The following FBN3 variants were observed in gnomAD, a reference collection of about 807,000 sequenced individuals.
The protein encoded by FBN3 is fibrillin 3, also known as fibrillin-3.
Under a neutral mutation model 330.1 loss-of-function variants are expected in FBN3, and 234 were observed. The ratio of observed to expected loss-of-function variants is 0.71; its 90% confidence interval spans 0.64 to 0.79. FBN3 has a LOEUF of 0.79. Ranked by LOEUF, FBN3 falls within the 30% of genes least tolerant of loss-of-function variation. FBN3 has a pLI of 0.00. For missense variants in FBN3, 3,606 were observed against 3,886.9 expected (o/e 0.93, Z 1.92); for synonymous variants, 1,458 against 1,517.3 (o/e 0.96, Z 0.91).
intron 5 of FBN3, among the ~76,000 whole-genome samples, chr19:8,145,355 C>T (rs2083508245): frequency 8.8e-6 from 1 of 113,528 alleles, no homozygotes. Context: ...GCCTGGGCAA[C>T]AGAGCAAAAC....
chr19:8,083,108 G>T, intron 57 of FBN3, 139 bp downstream of exon 57: 1 of 1,030,572 alleles, frequency 9.7e-7, no homozygotes, highest in Non-Finnish European at 1.5e-6. Flanking sequence ...GCCCTCAGTT[G>T]TCTGTATGGT....
chr19:8,107,598 C>T (rs1042536939), intron 37 of FBN3, among the ~76,000 whole-genome samples: 8 of 131,338 alleles, frequency 6.1e-5, no homozygotes, highest in Non-Finnish European at 1.1e-4. Flanking sequence ...GATGAATGGA[C>T]AGAAAGATGG....
Position 8,085,436 on chromosome 19 carries a change from G to A in FBN3, c.7014C>T (p.Leu2338=), listed in dbSNP as rs1001619517. Residue 2338 remains leucine (L), a synonymous_variant, in exon 56 of 64, where the codon CTC becomes CTT. Transcript: ENST00000600128. ...GGRGWGPRCE[L]CPLPGTSAYR... Reference sequence around the variant, plus strand: ...AGGCAGAGGTGCCGGGCAGGGGACAGAGCTCGCAGCGGGGCCCCCAGCCCC... The same window carrying A: ...AGGCAGAGGTGCCGGGCAGGGGACAAAGCTCGCAGCGGGGCCCCCAGCCCC... 1.9e-6 allele frequency: 3 copies of A among 1,580,010 alleles called. No individual in the cohort carries two copies. Among genetic ancestry groups the A allele is most frequent in the Non-Finnish European group, 2.6e-6 (3 of 1,164,622 alleles).
At chr19:8,087,787 T>C (rs1476354406) in intron 53 of FBN3, 38 bp downstream of exon 53, 1 of 1,578,916 alleles carries the variant, frequency 6.3e-7, no homozygotes, top group African/African-American at 1.3e-5. Context: ...TTTGTATTTT[T>C]AGTAGAGACA....
rs558928678 is a variant in FBN3, at chr19:8,092,572, G to A, written c.5906-982C>T. Among the ~76,000 whole-genome samples, 37 of 151,890 alleles carry A rather than the reference G, an allele frequency of 2.4e-4. 1 individual carries two copies. The highest frequency in any genetic ancestry group is 3.4e-3 in the Middle Eastern group (1 of 292). The stretch of plus-strand genomic sequence containing the variant: ...TACTGAAAATACAGAAATTAGCTGG[G>A]CATTGTGGCGGGGCGCACCTGTAAT... On this transcript the variant is annotated intron_variant, in intron 47 of 63. Transcript: ENST00000600128.
intron 39 of FBN3, 107 bp downstream of exon 39, chr19:8,103,455 A>G: frequency 8.4e-7 from 1 of 1,185,314 alleles, no homozygotes; most frequent in Non-Finnish European, 1.2e-6. Context: ...AGCACTTCAT[A>G]TATGCTTACC....
At chr19:8,098,680 G>A (rs2082264247) in intron 41 of FBN3, among the ~76,000 whole-genome samples, 1 of 152,080 alleles carries the variant, frequency 6.6e-6, no homozygotes, top group Admixed American at 6.6e-5. Flanking sequence ...AACTTATACT[G>A]AGGTGATGGT....
chr19:8,117,493 T>C lies in FBN3; in HGVS notation c.3434A>G (p.Gln1145Arg). The C allele has an allele frequency of 6.4e-7, 1 of 1,560,416 alleles. No individual in the cohort carries two copies. The highest frequency in any genetic ancestry group is 8.7e-7 in the Non-Finnish European group (1 of 1,151,808). The change falls in exon 27 of 64, where the codon CAG becomes CGG. Residue 1145 changes from glutamine (Q) to arginine (R), a missense_variant. Physicochemically the swap from Gln to Arg is conservative, Grantham distance 43. Coordinates refer to ENST00000600128, the MANE Select transcript of FBN3 (RefSeq NM_032447.5). ...AFQCSCHAGF[Q>R]STPDRQGCVD... ...GCAGCCCTGGCGGTCAGGTGTGCTC[T>C]GGAAGCCGGCATGGCAGGAGCACTG...
In FBN3 at chr19:8,109,205, C is replaced by T; in HGVS notation, c.4618+22G>A. On this transcript the variant is annotated intron_variant, in intron 36 of 63. Transcript: ENST00000600128. The surrounding 1 kb of genome is among the most constrained non-coding windows in gnomAD (Gnocchi z 5.2). ...CCTCGGTGGCTTAGGTCACGGTGTT[C>T]AACTGCCCCGCAGGGACTCACTGGT... 6.2e-7 allele frequency: 1 copy of T among 1,611,784 alleles called. No individual in the cohort carries two copies. Among genetic ancestry groups the T allele is most frequent in the South Asian group, 1.1e-5 (1 of 90,916 alleles).
chr19:8,077,233 T>A (rs1008756490), intron 59 of FBN3, among the ~76,000 whole-genome samples: 6 of 152,168 alleles, frequency 3.9e-5, no homozygotes, highest in Non-Finnish European at 7.4e-5. Context: ...GTATACTGCA[T>A]TTGAACTGGG....
chr19:8,070,085 A>G (rs1568347807), intron 63 of FBN3, among the ~76,000 whole-genome samples: 1 of 152,224 alleles, frequency 6.6e-6, no homozygotes, highest in African/African-American at 2.4e-5. Flanking sequence ...TATGAAGTTT[A>G]CAGAAAATAT....
chr19:8,106,724 G>A lies in FBN3; in HGVS notation c.4688-491C>T, dbSNP rs77057184. Among the ~76,000 whole-genome samples the A allele has an allele frequency of 8.8e-3, 1,154 of 131,238 alleles. 5 individuals carry two copies. The highest frequency in any genetic ancestry group is 0.011 in the Non-Finnish European group (664 of 59,364). 86.1% of individuals were successfully genotyped at this position (131,238 alleles called of 152,430 possible). A position where few individuals can be genotyped will look rare whatever the true frequency, so the allele number is the denominator to read the frequency against. On this transcript the variant is annotated intron_variant, in intron 37 of 63. Transcript: ENST00000600128. ...AGACAGGCAAATGAGTGAATGGGTG[G>A]ATAAGTGGATGGATGGATGGATGGA... is the stretch of plus-strand genomic sequence containing the variant.
chr19:8,135,936 G>GGGGGGGGGGGCGCCCCCCCCCCC, intron 13 of FBN3, 25 bp downstream of exon 13: 2 of 668,778 alleles, frequency 3.0e-6, no homozygotes, highest in Non-Finnish European at 4.8e-6. Flanking sequence ...GGAAGCCCCT[G>GGGGGGGGGGGCGCCCCCCCCCCC]CCCACCCGCC....
chr19:8,089,810 G>T (rs1413073850), intron 50 of FBN3, 84 bp downstream of exon 50: 2 of 1,531,146 alleles, frequency 1.3e-6, no homozygotes, highest in South Asian at 1.2e-5. Flanking sequence ...CTCAGGGGGA[G>T]CCTGAAACTC....
intron 57 of FBN3, among the ~76,000 whole-genome samples, chr19:8,082,040 T>C (rs957303590): frequency 1.0e-4 from 15 of 150,274 alleles, no homozygotes; most frequent in Non-Finnish European, 1.2e-4. Flanking sequence ...CTCAGCTCAC[T>C]GCACCCTCCG....
chr19:8,078,966 A>G (rs1423843104), intron 59 of FBN3, among the ~76,000 whole-genome samples: 1 of 151,714 alleles, frequency 6.6e-6, no homozygotes. Flanking sequence ...TTTTTTGTAG[A>G]GATGGAGTCT....
Position 8,096,009 on chromosome 19 carries a change from G to T in FBN3, c.5611C>A (p.Leu1871Ile). ...CKNIIGSYNC[L>I]CFPGFVVTHN... ...GTCACCACAAAGCCAGGGAAGCAGA[G>T]GCAGTTGTAGGAGCCAATGATGTTC... The change falls in exon 45 of 64, where the codon CTC (leucine) becomes ATC (isoleucine). Residue 1871 changes from leucine (L) to isoleucine (I), a missense_variant. Leu to Ile is a conservative substitution (Grantham distance 5). Transcript: ENST00000600128. This position sits in a 1 kb window ranked among gnomAD's most constrained non-coding sequence, Gnocchi z 4.6. The T allele has an allele frequency of 1.2e-6, 2 of 1,614,040 alleles. No homozygotes were observed. The highest frequency in any genetic ancestry group is 3.3e-4 in the Middle Eastern group (2 of 6,060).
intron 48 of FBN3, 97 bp from the exon 49 acceptor site, chr19:8,090,348 T>C: frequency 1.4e-6 from 2 of 1,391,126 alleles, no homozygotes; most frequent in Non-Finnish European, 9.9e-7. Flanking sequence ...GAATGGGTTG[T>C]GCTGATCCTG....
At chr19:8,102,948 G>C in intron 39 of FBN3, 75 bp from the exon 40 acceptor site, 1 of 1,405,498 alleles carries the variant, frequency 7.1e-7, no homozygotes, top group Non-Finnish European at 1.0e-6. Context: ...AAAGAGATAG[G>C]AACTCCTTAA....
Sources: allele counts gnomAD v4.1 joint callset (sites outside exome capture counted in the v4.1 genomes callset), GRCh38; gene constraint gnomAD v4.1.1; non-coding constraint Gnocchi (gnomAD v3.1); transcripts MANE v1.5; gene names NCBI Gene and HGNC (gene_info 2026-07-23, HGNC 2026-07-21).